Variants in KIDINS220 observed in about 807,000 individuals in gnomAD.
KIDINS220 encodes kinase D-interacting substrate of 220 kDa.
KIDINS220 carries 63 observed loss-of-function variants against 157.6 expected under a neutral mutation model. The ratio of observed to expected loss-of-function variants is 0.40; its 90% confidence interval spans 0.33 to 0.49. KIDINS220 has a LOEUF of 0.49. KIDINS220 is among the 20% of genes least tolerant of loss of function. The probability of loss-of-function intolerance (pLI) is 0.66; values close to 1 mark genes in which losing one functional copy is unlikely to be tolerated. For missense variants in KIDINS220, 1,772 were observed against 2,171.2 expected (o/e 0.82, Z 3.65); for synonymous variants, 732 against 783.6 (o/e 0.93, Z 1.10).
At position 8,730,730 on chromosome 2, in the gene KIDINS220, C is replaced by T; in HGVS notation, c.5306G>A (p.Ser1769Asn). The change falls in exon 30 of 30, where the codon AGC (serine) becomes AAC (asparagine). Residue 1769 changes from serine to asparagine, a missense_variant. Ser to Asn is a conservative substitution (Grantham distance 46, BLOSUM62 1). This residue lies in a region of KIDINS220 where 793 missense variants were observed against 885.5 expected (regional missense o/e 0.90). Coordinates refer to ENST00000256707, the MANE Select transcript of KIDINS220 (RefSeq NM_020738.4). ...CTTTGCTTGTTTTTCTCAAAGAATG[C>T]TTTCTCTTTCTTCTCCAAAGCCTGT... ...ESTGFGEERESIL is the reference protein window; with the variant it reads ...ESTGFGEERENIL The T allele has an allele frequency of 1.9e-6, 3 of 1,612,384 alleles. No individual in the cohort carries two copies. The highest frequency in any genetic ancestry group is 2.5e-6 in the Non-Finnish European group (3 of 1,179,416).
intron 21 of KIDINS220, 72 bp downstream of exon 21, chr2:8,776,676 T>A: frequency 7.3e-7 from 1 of 1,375,846 alleles, no homozygotes; most frequent in Non-Finnish European, 1.0e-6. Context: ...CATACCTTTG[T>A]TTCTGAAATT....
rs775374680 is a variant in KIDINS220, at chr2:8,736,973, C to T, written c.3612G>A (p.Val1204=). Residue 1204 remains valine, a synonymous_variant, in exon 27 of 30, where the codon GTG becomes GTA. Coordinates refer to ENST00000256707, the MANE Select transcript of KIDINS220 (RefSeq NM_020738.4). ...CCACATTCAGTGAATTCAGTAATAC[C>T]ACTGGGCCTGGGGCTGGGCCTGACC... ...SRGSGPAPGP[V]VLLNSLNVDA... is the part of the protein sequence containing the mutation. The T allele has an allele frequency of 4.3e-6, 7 of 1,613,992 alleles. No individual in the cohort carries two copies. Among genetic ancestry groups the T allele is most frequent in the African/African-American group, 4.0e-5 (3 of 74,906 alleles).
Position 8,778,588 on chromosome 2 carries a change from T to C in KIDINS220, c.2703+51A>G, listed in dbSNP as rs374061373. ...TTAAGTGGCATCATCTTTATTTGTA[T>C]TAAATTGAATAGCAATACAAACATA... On this transcript the variant is annotated intron_variant, in intron 20 of 29. Transcript: ENST00000256707. 6.5e-5 allele frequency: 74 copies of C among 1,141,768 alleles called. 3 individuals carry two copies. The African/African-American group carries it at 8.9e-4, about 14-fold the overall frequency. The allele number at this position is 1,141,768 out of a possible 1,614,324, so 70.7% of individuals were successfully genotyped here.
At chr2:8,787,519 C>T (rs966191972) in intron 15 of KIDINS220, among the ~76,000 whole-genome samples, 1 of 151,906 alleles carries the variant, frequency 6.6e-6, no homozygotes, top group African/African-American at 2.4e-5. Context: ...CAGGCACGCA[C>T]CACCACACCC....
intron 1 of KIDINS220, among the ~76,000 whole-genome samples, chr2:8,836,729 A>T (rs1380373502): frequency 2.0e-5 from 3 of 152,136 alleles, no homozygotes; most frequent in Non-Finnish European, 4.4e-5. Context: ...ACAGGAACGA[A>T]CCTGAAGGGG....
chr2:8,769,607 CACTTAAATATTTTTAAA>C (rs1437384177), intron 22 of KIDINS220, among the ~76,000 whole-genome samples: 1 of 152,116 alleles, frequency 6.6e-6, no homozygotes, highest in Non-Finnish European at 1.5e-5. Flanking sequence ...TATTACGAGG[CACTTAAATATTTTTAAA>C]ACTTAAGTTT....
chr2:8,753,038 A>C (rs1458921621), intron 22 of KIDINS220, among the ~76,000 whole-genome samples: 1 of 152,252 alleles, frequency 6.6e-6, no homozygotes, highest in Non-Finnish European at 1.5e-5. Flanking sequence ...AAAAATGGTC[A>C]AATGTTGACA....
intron 6 of KIDINS220, 88 bp downstream of exon 6, chr2:8,812,307 C>A: frequency 1.9e-6 from 1 of 531,518 alleles, no homozygotes; most frequent in Non-Finnish European, 3.3e-6. Context: ...ATTAGAGAAG[C>A]CTCATGAAAT....
At chr2:8,766,165 C>CA (rs1669456121) in intron 22 of KIDINS220, among the ~76,000 whole-genome samples, 1 of 151,206 alleles carries the variant, frequency 6.6e-6, no homozygotes, top group East Asian at 2.0e-4. Context: ...GGTCCATGAA[C>CA]CCCACTGGTG....
intron 26 of KIDINS220, among the ~76,000 whole-genome samples, chr2:8,741,738 A>C (rs1342861384): frequency 6.6e-6 from 1 of 152,242 alleles, no homozygotes; most frequent in Non-Finnish European, 1.5e-5. Flanking sequence ...ATTTAGTTGA[A>C]AATTGTTTAG....
At position 8,803,132 on chromosome 2, in the gene KIDINS220, AAAC is replaced by A. The variant is rs757650974; in HGVS notation, c.604-8_604-6del. 5.5e-5 allele frequency: 88 copies of A among 1,598,558 alleles called. No homozygotes were observed. The highest frequency in any genetic ancestry group is 3.5e-4 in the South Asian group (31 of 89,670). On this transcript the variant is annotated splice_region_variant and splice_polypyrimidine_tract_variant and intron_variant, in intron 7 of 29. Coordinates refer to ENST00000256707, the MANE Select transcript of KIDINS220 (RefSeq NM_020738.4). ...AATAAGTGCAGTCATTGAATTCTAAAAACAACAACAACAAAAACAAAACAAAAC... is the reference window on the plus strand; with the variant it reads ...AATAAGTGCAGTCATTGAATTCTAAAAACAACAACAAAAACAAAACAAAAC...
At chr2:8,735,254 C>T (rs1664700773) in intron 27 of KIDINS220, among the ~76,000 whole-genome samples, 1 of 152,138 alleles carries the variant, frequency 6.6e-6, no homozygotes, top group East Asian at 1.9e-4. Context: ...TCACAAGGCC[C>T]GGCGCGGTGG....
At chr2:8,803,756 T>G (rs926415216) in intron 7 of KIDINS220, among the ~76,000 whole-genome samples, 1 of 152,030 alleles carries the variant, frequency 6.6e-6, no homozygotes, top group Non-Finnish European at 1.5e-5. Flanking sequence ...ACACCTATAA[T>G]CCCAAAGCTT....
intron 26 of KIDINS220, among the ~76,000 whole-genome samples, chr2:8,745,996 T>C (rs1355740796): frequency 6.6e-6 from 1 of 151,326 alleles, no homozygotes; most frequent in Non-Finnish European, 1.5e-5. Context: ...CTGGGTTCTT[T>C]TTTTTTTTTT....
At chr2:8,758,176 A>G (rs1327309835) in intron 22 of KIDINS220, among the ~76,000 whole-genome samples, 2 of 152,170 alleles carry the variant, frequency 1.3e-5, no homozygotes, top group African/African-American at 4.8e-5. Flanking sequence ...TATGGCTTTT[A>G]TAAGTTGCCG....
chr2:8,790,270 G>A (rs757926942), intron 13 of KIDINS220, among the ~76,000 whole-genome samples: 1 of 151,974 alleles, frequency 6.6e-6, no homozygotes, highest in Admixed American at 6.6e-5. Flanking sequence ...GGCCTGACTC[G>A]CCACCCTCTC....
chr2:8,777,662 A>G (rs1671148063), intron 20 of KIDINS220, among the ~76,000 whole-genome samples: 1 of 152,142 alleles, frequency 6.6e-6, no homozygotes, highest in Admixed American at 6.5e-5. Flanking sequence ...CTATCCTCAC[A>G]TCGCCACATG....
intron 1 of KIDINS220, among the ~76,000 whole-genome samples, chr2:8,827,418 A>G (rs149926681): frequency 2.4e-4 from 37 of 152,254 alleles, no homozygotes; most frequent in African/African-American, 1.2e-4. Context: ...TGCTGTCACC[A>G]TGCCAGTAAA....
intron 29 of KIDINS220, among the ~76,000 whole-genome samples, chr2:8,732,310 C>A (rs572793267): frequency 9.2e-5 from 14 of 152,276 alleles, no homozygotes; most frequent in African/African-American, 3.4e-4. Flanking sequence ...GTTGCCCAGG[C>A]TAGATTCAAA....
Sources: allele counts gnomAD v4.1 joint callset (sites outside exome capture counted in the v4.1 genomes callset), GRCh38; gene constraint gnomAD v4.1.1; regional missense constraint gnomAD v4.1.1; transcripts MANE v1.5; gene names NCBI Gene and HGNC (gene_info 2026-07-23, HGNC 2026-07-21).